Variants in PTPRD observed in about 807,000 individuals in gnomAD.
The protein encoded by PTPRD is protein tyrosine phosphatase receptor type D, also known as receptor-type tyrosine-protein phosphatase delta.
In PTPRD, 34 loss-of-function variants were observed where a neutral mutation model predicts 214.5. That is an observed-to-expected ratio of 0.16 (90% CI 0.12 to 0.21). PTPRD has a LOEUF of 0.21. PTPRD is among the 10% of genes least tolerant of loss of function. PTPRD has a pLI of 1.00. For synonymous variants in PTPRD, 1,128 were observed against 845.7 expected (o/e 1.33, Z -5.79); for missense variants, 2,545 against 2,398.7 (o/e 1.06, Z -1.27).
chr9:10,603,560 T>C (rs964499305), intron 2 of PTPRD, among the ~76,000 whole-genome samples: 4 of 151,936 alleles, frequency 2.6e-5, no homozygotes, highest in Non-Finnish European at 5.9e-5. Flanking sequence ...TTTAGGCAAC[T>C]TAACCTCTAT....
intron 5 of PTPRD, among the ~76,000 whole-genome samples, chr9:9,832,012 G>A (rs10114007): frequency 3.3e-5 from 5 of 151,940 alleles, no homozygotes; most frequent in African/African-American, 9.7e-5. Context: ...AAAATGTTGA[G>A]TAAATGGAAA....
At chr9:10,074,969 C>T (rs2098109172) in intron 3 of PTPRD, among the ~76,000 whole-genome samples, 1 of 152,006 alleles carries the variant, frequency 6.6e-6, no homozygotes, top group Non-Finnish European at 1.5e-5. Context: ...GGTGTCCTTT[C>T]CTTTCAATAA....
chr9:9,401,744 T>C (rs1233276728), intron 8 of PTPRD, among the ~76,000 whole-genome samples: 2 of 152,120 alleles, frequency 1.3e-5, no homozygotes, highest in South Asian at 2.1e-4. Flanking sequence ...TAGGAGGCAA[T>C]TGAATCATGG....
chr9:10,342,028 T>G (rs900191088), intron 2 of PTPRD, among the ~76,000 whole-genome samples: 7 of 152,058 alleles, frequency 4.6e-5, no homozygotes, highest in Non-Finnish European at 8.8e-5. Context: ...CTAGGATCAA[T>G]AAATTGTGGT....
At chr9:10,309,780 C>T (rs544659569) in intron 3 of PTPRD, among the ~76,000 whole-genome samples, 104 of 151,898 alleles carry the variant, frequency 6.8e-4, no homozygotes, top group African/African-American at 2.3e-3. Context: ...ATAAATTTGA[C>T]GTCAATTTAA....
At chr9:9,311,614 T>C (rs1344655944) in intron 9 of PTPRD, among the ~76,000 whole-genome samples, 2 of 152,162 alleles carry the variant, frequency 1.3e-5, no homozygotes, top group Non-Finnish European at 2.9e-5. Context: ...CTTTCTTGCA[T>C]GTGATTTTCT....
intron 11 of PTPRD, among the ~76,000 whole-genome samples, chr9:8,741,824 C>T (rs368893958): frequency 6.6e-5 from 10 of 151,820 alleles, no homozygotes; most frequent in South Asian, 6.2e-4. Context: ...CTCCTGATGT[C>T]GTGAGTGGCC....
chr9:10,593,811 C>G (rs529305683), intron 2 of PTPRD, among the ~76,000 whole-genome samples: 2 of 151,994 alleles, frequency 1.3e-5, no homozygotes, highest in South Asian at 2.1e-4. Flanking sequence ...TATTTGTAAC[C>G]TTGAAAAAAA....
intron 11 of PTPRD, among the ~76,000 whole-genome samples, chr9:8,939,448 A>T (rs2154292917): frequency 6.6e-6 from 1 of 152,246 alleles, no homozygotes; most frequent in South Asian, 2.1e-4. Flanking sequence ...ATTTACTGTG[A>T]CTCTATAATT....
chr9:10,531,529 AC>A (rs1197510560), intron 2 of PTPRD, among the ~76,000 whole-genome samples: 1 of 152,206 alleles, frequency 6.6e-6, no homozygotes, highest in East Asian at 1.9e-4. Context: ...ATGGCACTTT[AC>A]CTTGAAAAAG....
rs553253014 is a variant in PTPRD, at chr9:10,281,396, G to C, written c.-545+59567C>G. 4.1e-5 allele frequency among the ~76,000 whole-genome samples: 6 copies of C among 147,334 alleles called. No individual in the cohort carries two copies. In the East Asian group the frequency reaches 1.2e-3, roughly 28 times the overall value. On this transcript the variant is annotated intron_variant, in intron 3 of 45. Coordinates refer to ENST00000381196, the MANE Select transcript of PTPRD (RefSeq NM_002839.4). ...CTTTCACAGTTAATGGATGAGATGA[G>C]GTGAAAGGCAGCCAGCATTCTATTC...
chr9:10,501,316 T>C (rs73394349), intron 2 of PTPRD, among the ~76,000 whole-genome samples: 4,604 of 152,138 alleles, frequency 0.03, 192 homozygotes, highest in African/African-American at 0.099. Context: ...TTTTTAGATA[T>C]CTGTTTGCCA....
chr9:9,406,853 T>TC (rs931393964), intron 8 of PTPRD, among the ~76,000 whole-genome samples: 84 of 151,344 alleles, frequency 5.6e-4, no homozygotes, highest in African/African-American at 1.6e-3. Context: ...CTTTCTTTTT[T>TC]TTTTTGAGAT....
chr9:9,020,223 T>C (rs378363), intron 10 of PTPRD, among the ~76,000 whole-genome samples: 34,444 of 152,104 alleles, frequency 0.23, 4,029 homozygotes, highest in African/African-American at 0.26. Context: ...TTAATAAAGC[T>C]CTAAAAAAGT....
At chr9:9,929,282 G>A (rs2085493095) in intron 5 of PTPRD, among the ~76,000 whole-genome samples, 2 of 152,150 alleles carry the variant, frequency 1.3e-5, no homozygotes, top group South Asian at 4.1e-4. Context: ...CTTTGGACCA[G>A]TAAAGTTAAC....
chr9:10,256,611 C>A (rs1001909785), intron 3 of PTPRD, among the ~76,000 whole-genome samples: 7 of 152,134 alleles, frequency 4.6e-5, no homozygotes, highest in African/African-American at 1.4e-4. Context: ...TTGCCTTACA[C>A]TTTGTGTCAA....
intron 3 of PTPRD, among the ~76,000 whole-genome samples, chr9:10,091,454 A>G (rs1260763230): frequency 6.6e-6 from 1 of 151,564 alleles, no homozygotes; most frequent in African/African-American, 2.4e-5. Context: ...GTAGAGTTAT[A>G]TGTCAAAAAT....
At chr9:9,874,799 T>C (rs1351572804) in intron 5 of PTPRD, among the ~76,000 whole-genome samples, 1 of 152,182 alleles carries the variant, frequency 6.6e-6, no homozygotes, top group Non-Finnish European at 1.5e-5. Flanking sequence ...TGGAAACGTA[T>C]GTAGGATAGA....
chr9:8,659,247 T>C (rs2096980428), intron 12 of PTPRD, among the ~76,000 whole-genome samples: 1 of 152,214 alleles, frequency 6.6e-6, no homozygotes, highest in Non-Finnish European at 1.5e-5. Flanking sequence ...TTCAAGTGAA[T>C]GCTGAGACAC....
Sources: allele counts gnomAD v4.1 joint callset (sites outside exome capture counted in the v4.1 genomes callset), GRCh38; gene constraint gnomAD v4.1.1; transcripts MANE v1.5; gene names NCBI Gene and HGNC (gene_info 2026-07-23, HGNC 2026-07-21).